Variants in CAMTA1 observed in about 807,000 individuals in gnomAD.
The protein encoded by CAMTA1 is calmodulin-binding transcription activator 1.
CAMTA1 carries 27 observed loss-of-function variants against 170.9 expected under a neutral mutation model. That is an observed-to-expected ratio of 0.16 (90% CI 0.12 to 0.22). The LOEUF (loss-of-function observed/expected upper bound fraction) is 0.22, where lower values mean the gene tolerates loss of function less well. Ranked by LOEUF, CAMTA1 falls within the 10% of genes least tolerant of loss-of-function variation. The probability of loss-of-function intolerance (pLI) is 1.00; values close to 1 mark genes in which losing one functional copy is unlikely to be tolerated. For missense variants in CAMTA1, 1,619 were observed against 2,217.2 expected (o/e 0.73, Z 5.42); for synonymous variants, 833 against 891.5 (o/e 0.93, Z 1.17).
rs773083788 is a variant in CAMTA1, at chr1:7,736,355, G to T, written c.3078G>T (p.Gly1026=). Residue 1026 remains glycine, a synonymous_variant, in exon 13 of 23, where the codon GGG becomes GGT. Coordinates refer to ENST00000303635, the MANE Select transcript of CAMTA1 (RefSeq NM_015215.4). The surrounding 1 kb of genome is among the most constrained non-coding windows in gnomAD (Gnocchi z 4.5). The stretch of plus-strand genomic sequence containing the variant: ...CTTTTTTGTGACAGTGTGCTTCTGG[G>T]ACTGGGGCCTTGGGGAGCTGCTTTG... The part of the protein sequence containing the change: ...NGGSQAQCAS[G]TGALGSCFES... 1.7e-5 allele frequency: 27 copies of T among 1,614,038 alleles called. No individual in the cohort carries two copies. In the East Asian group the frequency reaches 5.3e-4, roughly 32 times the overall value.
intron 6 of CAMTA1, among the ~76,000 whole-genome samples, chr1:7,583,149 G>C (rs1229420339): frequency 6.6e-6 from 1 of 152,076 alleles, no homozygotes; most frequent in Non-Finnish European, 1.5e-5. Context: ...GCGTTAGCAG[G>C]GGGCCTAAAG....
At chr1:7,252,566 T>C (rs1330603750) in intron 5 of CAMTA1, among the ~76,000 whole-genome samples, 2 of 152,214 alleles carry the variant, frequency 1.3e-5, no homozygotes, top group Admixed American at 1.3e-4. Flanking sequence ...GGGATTTCCA[T>C]GGGGCTTTGT....
intron 3 of CAMTA1, among the ~76,000 whole-genome samples, chr1:6,859,339 G>T (rs1250903958): frequency 6.6e-6 from 1 of 152,132 alleles, no homozygotes; most frequent in Non-Finnish European, 1.5e-5. Flanking sequence ...TGTGCATAAA[G>T]ACATAGCACG....
chr1:7,107,562 T>C (rs1643732923), intron 4 of CAMTA1, among the ~76,000 whole-genome samples: 1 of 151,990 alleles, frequency 6.6e-6, no homozygotes, highest in East Asian at 1.9e-4. Context: ...CTGGAGGCCA[T>C]GGAATGCAAG....
At chr1:7,739,182 C>T (rs1049587736) in intron 16 of CAMTA1, among the ~76,000 whole-genome samples, 4 of 152,126 alleles carry the variant, frequency 2.6e-5, no homozygotes, top group African/African-American at 9.7e-5. Flanking sequence ...TTTCCAACTT[C>T]CCATTGATGC....
intron 5 of CAMTA1, among the ~76,000 whole-genome samples, chr1:7,289,158 G>T (rs1039728018): frequency 1.3e-5 from 2 of 152,050 alleles, no homozygotes; most frequent in African/African-American, 4.8e-5. Flanking sequence ...CACCGAGGAG[G>T]AAATCCGCCC....
intron 6 of CAMTA1, among the ~76,000 whole-genome samples, chr1:7,528,673 G>A (rs1006856521): frequency 2.0e-5 from 3 of 152,220 alleles, no homozygotes; most frequent in Non-Finnish European, 2.9e-5. Context: ...TGGGAATACC[G>A]AGGCCAGGAA....
chr1:7,292,594 C>T (rs557338834), intron 5 of CAMTA1, among the ~76,000 whole-genome samples: 5 of 152,268 alleles, frequency 3.3e-5, no homozygotes, highest in African/African-American at 7.2e-5. Flanking sequence ...CCCCACTCTC[C>T]GTACTCAGGA....
intron 4 of CAMTA1, among the ~76,000 whole-genome samples, chr1:7,157,146 A>G (rs1267456062): frequency 2.0e-5 from 3 of 152,088 alleles, no homozygotes; most frequent in Non-Finnish European, 4.4e-5. Context: ...GATCGAGACC[A>G]TCCTGGCTAA....
intron 5 of CAMTA1, among the ~76,000 whole-genome samples, chr1:7,398,113 G>A (rs2089474983): frequency 7.6e-6 from 1 of 131,110 alleles, no homozygotes; most frequent in Non-Finnish European, 1.6e-5. Context: ...TTATTGTATT[G>A]CAATCTATCT....
At chr1:6,834,832 G>A (rs1239483820) in intron 3 of CAMTA1, among the ~76,000 whole-genome samples, 2 of 152,022 alleles carry the variant, frequency 1.3e-5, no homozygotes, top group African/African-American at 4.8e-5. Flanking sequence ...ATGGAATCTC[G>A]CTCGCCATGT....
At chr1:7,135,554 A>G (rs1645493794) in intron 4 of CAMTA1, among the ~76,000 whole-genome samples, 1 of 152,138 alleles carries the variant, frequency 6.6e-6, no homozygotes, top group South Asian at 2.1e-4. Flanking sequence ...CCTGGAGGCC[A>G]TGTAGGCATC....
At chr1:7,252,411 G>A (rs955046608) in intron 5 of CAMTA1, among the ~76,000 whole-genome samples, 2 of 152,246 alleles carry the variant, frequency 1.3e-5, no homozygotes, top group Non-Finnish European at 2.9e-5. Flanking sequence ...CAGCCCTGAA[G>A]AAGGCCTTTT....
intron 3 of CAMTA1, chr1:6,852,965 T>TAAA (rs1660976860): frequency 9.5e-6 from 1 of 105,316 alleles, no homozygotes; most frequent in Non-Finnish European, 2.1e-5. Context: ...AACTCAGGTA[T>TAAA]GTCTGCTCTT....
intron 4 of CAMTA1, among the ~76,000 whole-genome samples, chr1:7,149,509 G>A (rs550144528): frequency 5.4e-4 from 82 of 152,356 alleles, no homozygotes; most frequent in Non-Finnish European, 1.1e-3. Flanking sequence ...CGTAACGGCC[G>A]TGTGGCCGCG....
intron 3 of CAMTA1, among the ~76,000 whole-genome samples, chr1:6,877,834 T>G (rs184297174): frequency 6.6e-6 from 1 of 152,350 alleles, no homozygotes; most frequent in African/African-American, 2.4e-5. Context: ...GTCACTCTTT[T>G]GTAATGGTGG....
At chr1:7,509,810 G>A (rs1284516267) in intron 6 of CAMTA1, among the ~76,000 whole-genome samples, 3 of 152,056 alleles carry the variant, frequency 2.0e-5, no homozygotes, top group Non-Finnish European at 4.4e-5. Context: ...CCTGGTGTGA[G>A]GGGATGTGGA....
chr1:7,530,776 T>A lies in CAMTA1; in HGVS notation c.510+62875T>A, dbSNP rs866684860. On this transcript the variant is annotated intron_variant, in intron 6 of 22. Transcript: ENST00000303635. ...AGATCAGAATGTGGATTTTTTTTTT[T>A]AATTTACTAAAGTATGTCCAGCACT... is the stretch of plus-strand genomic sequence containing the variant. Among the ~76,000 whole-genome samples, 7 of 151,272 alleles carry A rather than the reference T, an allele frequency of 4.6e-5. No homozygotes were observed. The South Asian group carries it at 8.4e-4, about 18-fold the overall frequency.
Position 6,927,265 on chromosome 1 carries a change from C to T in CAMTA1, c.234+102055C>T, listed in dbSNP as rs1683477508. ...TTGCTCAGGCTGATCTTGAACTGGC[C>T]TCAAGCAATCGACCACGTCAGCCTC... On this transcript the variant is annotated intron_variant, in intron 3 of 22. Transcript: ENST00000303635. Among the ~76,000 whole-genome samples, 2 of 152,038 alleles carry T rather than the reference C, an allele frequency of 1.3e-5. 1 individual carries two copies. Among genetic ancestry groups the T allele is most frequent in the South Asian group, 4.1e-4 (2 of 4,822 alleles).
Sources: gnomAD v4.1 joint callset for allele counts (sites outside exome capture counted in the v4.1 genomes callset) on GRCh38, gnomAD v4.1.1 for gene constraint, Gnocchi (gnomAD v3.1) non-coding constraint, MANE v1.5 for transcripts, NCBI Gene and HGNC (gene_info 2026-07-23, HGNC 2026-07-21) for gene names.